PRKCQ: variants seen among roughly 807,000 people sequenced by gnomAD.
The protein encoded by PRKCQ is protein kinase C theta.
Under a neutral mutation model 91.2 loss-of-function variants are expected in PRKCQ, and 41 were observed. That is an observed-to-expected ratio of 0.45 (90% CI 0.35 to 0.58). The LOEUF (loss-of-function observed/expected upper bound fraction) is 0.58, where lower values mean the gene tolerates loss of function less well. PRKCQ is among the 20% of genes least tolerant of loss of function. The pLI is 0.00. For missense variants in PRKCQ, 673 were observed against 896.5 expected (o/e 0.75, Z 3.18); for synonymous variants, 307 against 316.9 (o/e 0.97, Z 0.33).
In PRKCQ at chr10:6,549,083, C is replaced by T. The variant is rs138183756; in HGVS notation, c.-10+31128G>A. Among the ~76,000 whole-genome samples, 471 of 152,164 alleles carry T rather than the reference C, an allele frequency of 3.1e-3. 2 individuals are homozygous for T. Among genetic ancestry groups the T allele is most frequent in the African/African-American group, 0.011 (443 of 41,516 alleles). On this transcript the variant is annotated intron_variant, in intron 1 of 17. Transcript: ENST00000263125. ...TATTAGGACCTCTGTTTTCCAAGGG[C>T]TTACATTCTAATGGGAGCGATGGAA...
chr10:6,437,716 A>G (rs1022691794), intron 16 of PRKCQ, among the ~76,000 whole-genome samples: 2 of 151,090 alleles, frequency 1.3e-5, no homozygotes, highest in Non-Finnish European at 3.0e-5. Flanking sequence ...CAGTGGTGTG[A>G]TCTCGGTTCA....
intron 1 of PRKCQ, among the ~76,000 whole-genome samples, chr10:6,525,352 C>A (rs1051452911): frequency 1.3e-5 from 2 of 152,060 alleles, no homozygotes; most frequent in African/African-American, 4.8e-5. Context: ...CCAAGACAGG[C>A]GGATCACCTG....
At chr10:6,459,417 C>G (rs539591905) in intron 14 of PRKCQ, among the ~76,000 whole-genome samples, 6 of 152,138 alleles carry the variant, frequency 3.9e-5, no homozygotes, top group African/African-American at 1.4e-4. Context: ...TGACAAAGAC[C>G]TGCACATCCA....
chr10:6,444,061 A>G (rs1465852652), intron 15 of PRKCQ, among the ~76,000 whole-genome samples: 1 of 151,990 alleles, frequency 6.6e-6, no homozygotes, highest in Non-Finnish European at 1.5e-5. Context: ...TATACAATAC[A>G]CTTTATTTTA....
intron 4 of PRKCQ, among the ~76,000 whole-genome samples, chr10:6,502,210 C>T (rs558014396): frequency 2.4e-4 from 36 of 152,042 alleles, no homozygotes; most frequent in Non-Finnish European, 4.6e-4. Flanking sequence ...TGTGGGACCA[C>T]GGAAATGAGG....
At chr10:6,446,357 GTTTTTT>G (rs66839272) in intron 15 of PRKCQ, among the ~76,000 whole-genome samples, 7 of 79,600 alleles carry the variant, frequency 8.8e-5, no homozygotes, top group African/African-American at 3.1e-4. Flanking sequence ...ACTATGCTCA[GTTTTTT>G]TTTTTTTTTT....
At chr10:6,434,835 T>C (rs1833620726) in intron 16 of PRKCQ, among the ~76,000 whole-genome samples, 2 of 152,244 alleles carry the variant, frequency 1.3e-5, no homozygotes, top group African/African-American at 4.8e-5. Context: ...GAGATATTTA[T>C]GTTCTATATC....
chr10:6,493,163 T>C (rs1005905520), intron 7 of PRKCQ, among the ~76,000 whole-genome samples: 6 of 152,220 alleles, frequency 3.9e-5, no homozygotes, highest in African/African-American at 9.6e-5. Flanking sequence ...CTTTCCAGTA[T>C]GAAAACCAAT....
rs1391319017 is a variant in PRKCQ at position 6,492,276 on chromosome 10, A to G, written c.661-464T>C. On this transcript the variant is annotated intron_variant, in intron 7 of 17. Coordinates refer to ENST00000263125, the MANE Select transcript of PRKCQ (RefSeq NM_006257.5). ...AAAAAATGCCTTCTTTAAAGGAAAC[A>G]TTTCTATGGGTTTATCAGTATTACT... is the stretch of plus-strand genomic sequence containing the variant. Among the ~76,000 whole-genome samples, 5 of 151,648 alleles carry G rather than the reference A, an allele frequency of 3.3e-5. No individual in the cohort carries two copies. In the East Asian group the frequency reaches 7.7e-4, roughly 23 times the overall value.
chr10:6,534,824 A>G (rs963489644), intron 1 of PRKCQ, among the ~76,000 whole-genome samples: 1 of 149,000 alleles, frequency 6.7e-6, no homozygotes, highest in Non-Finnish European at 1.5e-5. Context: ...ACTCATTACA[A>G]AGATAAAAAT....
intron 8 of PRKCQ, among the ~76,000 whole-genome samples, chr10:6,489,183 G>A (rs1291190121): frequency 6.6e-6 from 1 of 152,058 alleles, no homozygotes; most frequent in East Asian, 1.9e-4. Context: ...TATTTAGAAG[G>A]TGTCAGGTTT....
At chr10:6,450,568 G>A (rs974163766) in intron 15 of PRKCQ, among the ~76,000 whole-genome samples, 4 of 152,156 alleles carry the variant, frequency 2.6e-5, no homozygotes, top group African/African-American at 9.7e-5. Context: ...ACTCAGCTCT[G>A]CACCAAGCAG....
the PRKCQ span, among the ~76,000 whole-genome samples, chr10:6,399,481 C>CT: frequency 1.7e-3 from 247 of 149,210 alleles, no homozygotes; most frequent in Non-Finnish European, 2.2e-3. Flanking sequence ...AAATTGCCCC[C>CT]TTTTTTTTTT....
At chr10:6,537,418 G>C (rs1474848141) in intron 1 of PRKCQ, among the ~76,000 whole-genome samples, 2 of 152,288 alleles carry the variant, frequency 1.3e-5, no homozygotes, top group East Asian at 3.9e-4. Context: ...TACAGATGTG[G>C]AAATGGGCTC....
chr10:6,524,339 T>C (rs1177172154), intron 1 of PRKCQ, among the ~76,000 whole-genome samples: 1 of 152,206 alleles, frequency 6.6e-6, no homozygotes, highest in Non-Finnish European at 1.5e-5. Context: ...TATTAATTTA[T>C]AGATTTTATG....
At position 6,551,127 on chromosome 10, in the gene PRKCQ, AT is replaced by A. The variant is rs1325234874; in HGVS notation, c.-10+29083del. Among the ~76,000 whole-genome samples the A allele has an allele frequency of 2.6e-5, 4 of 151,850 alleles. No individual in the cohort carries two copies. The East Asian group carries it at 7.8e-4, about 29-fold the overall frequency. ...GTACTAAGCCTGGTACCTAATAGTT[AT>A]TTTTTTCTGATCTTCTCTCTACTGT... On this transcript the variant is annotated intron_variant, in intron 1 of 17. Coordinates refer to ENST00000263125, the MANE Select transcript of PRKCQ (RefSeq NM_006257.5).
chr10:6,496,060 A>G (rs1837567264), intron 7 of PRKCQ, among the ~76,000 whole-genome samples: 1 of 151,910 alleles, frequency 6.6e-6, no homozygotes, highest in Admixed American at 6.6e-5. Context: ...TACTAAAAAT[A>G]CGAAAATTAG....
chr10:6,579,649 CTTT>C (rs5782914), intron 1 of PRKCQ, among the ~76,000 whole-genome samples: 4,508 of 131,984 alleles, frequency 0.034, 232 homozygotes, highest in African/African-American at 0.11. Flanking sequence ...GCAGATTTTT[CTTT>C]TTTTTTTTTT....
chr10:6,434,668 A>G (rs931785481), intron 16 of PRKCQ, among the ~76,000 whole-genome samples: 1 of 152,206 alleles, frequency 6.6e-6, no homozygotes, highest in African/African-American at 2.4e-5. Flanking sequence ...AAAAATAGCC[A>G]GGATGTAGTT....
Sources: gnomAD v4.1 joint callset for allele counts (sites outside exome capture counted in the v4.1 genomes callset) on GRCh38, gnomAD v4.1.1 for gene constraint, MANE v1.5 for transcripts, NCBI Gene and HGNC (gene_info 2026-07-23, HGNC 2026-07-21) for gene names.